XIRP2: variants seen among roughly 807,000 people sequenced by gnomAD.
XIRP2 encodes xin actin-binding repeat-containing protein 2.
In XIRP2, 236 loss-of-function variants were observed where a neutral mutation model predicts 277.0. The ratio of observed to expected loss-of-function variants is 0.85; its 90% CI spans 0.77 to 0.95. The LOEUF (loss-of-function observed/expected upper bound fraction) is 0.95, where lower values mean the gene tolerates loss of function less well. Ranked by LOEUF, XIRP2 falls within the 40% of genes least tolerant of loss-of-function variation. XIRP2 has a pLI of 0.00. For missense variants in XIRP2, 4,640 were observed against 4,157.5 expected, an observed-to-expected ratio of 1.12 and a Z score of -3.19; for synonymous variants, 1,490 against 1,416.5, an observed-to-expected ratio of 1.05 and a Z score of -1.17.
chr2:166,939,644 C>A (rs1685632763), intron 2 of XIRP2, among the ~76,000 whole-genome samples: 1 of 132,220 alleles, frequency 7.6e-6, no homozygotes, highest in African/African-American at 3.0e-5. Context: ...CACGCCACTG[C>A]ACTCTGGCCT....
At chr2:167,178,932 G>C (rs1272605237) in intron 3 of XIRP2, among the ~76,000 whole-genome samples, 1 of 152,094 alleles carries the variant, frequency 6.6e-6, no homozygotes, top group Non-Finnish European at 1.5e-5. Context: ...AAGAATGTAT[G>C]ACTGAATGAC....
chr2:166,927,384 C>T (rs1259014985), intron 2 of XIRP2, among the ~76,000 whole-genome samples: 1 of 152,098 alleles, frequency 6.6e-6, no homozygotes, highest in East Asian at 1.9e-4. Flanking sequence ...ACATGAATCT[C>T]ACTGAAATAA....
chr2:167,250,013 T>C lies in XIRP2; in HGVS notation c.8621T>C (p.Ile2874Thr), dbSNP rs1230145973. The C allele has an allele frequency of 1.2e-6, 2 of 1,613,496 alleles. No homozygotes were observed. Among genetic ancestry groups the C allele is most frequent in the Admixed American group, 1.7e-5 (1 of 59,966 alleles). ...SQTQNFQQTQ[I>T]QTAESKAEHK... ...ACTCAGAATTTTCAGCAAACACAAA[T>C]ACAGACCGCTGAAAGTAAAGCTGAA... The change falls in exon 9 of 11, where the codon ATA becomes ACA. Residue 2874 changes from isoleucine to threonine, a missense_variant. By Grantham distance (89) the Ile-to-Thr change is moderately conservative. Transcript: ENST00000409195.
chr2:167,179,641 A>AT (rs1559009686), intron 3 of XIRP2, among the ~76,000 whole-genome samples: 2 of 125,802 alleles, frequency 1.6e-5, no homozygotes, highest in Non-Finnish European at 3.2e-5. Context: ...TTTATCTGAT[A>AT]ATTTTTTTTT....
At chr2:166,919,002 G>T (rs542160396) in intron 2 of XIRP2, among the ~76,000 whole-genome samples, 3 of 152,084 alleles carry the variant, frequency 2.0e-5, no homozygotes, top group African/African-American at 4.8e-5. Flanking sequence ...AATACTTAAC[G>T]TAATGTGCAG....
intron 3 of XIRP2, among the ~76,000 whole-genome samples, chr2:167,180,157 C>T (rs1692974121): frequency 6.6e-6 from 1 of 152,068 alleles, no homozygotes; most frequent in African/African-American, 2.4e-5. Context: ...TTATTCATTA[C>T]TTTTTAATCT....
chr2:167,150,691 T>C (rs1342628159), intron 3 of XIRP2, among the ~76,000 whole-genome samples: 1 of 152,020 alleles, frequency 6.6e-6, no homozygotes, highest in Non-Finnish European at 1.5e-5. Flanking sequence ...ACTTGTATTA[T>C]TGTCTAAAAT....
chr2:167,232,017 A>G (rs138300418), intron 5 of XIRP2, among the ~76,000 whole-genome samples: 5 of 151,606 alleles, frequency 3.3e-5, no homozygotes, highest in African/African-American at 4.8e-5. Context: ...CTTGAGATAC[A>G]CTCTCCACCC....
intron 3 of XIRP2, among the ~76,000 whole-genome samples, chr2:167,137,897 G>A (rs778521728): frequency 5.9e-5 from 9 of 151,988 alleles, no homozygotes; most frequent in South Asian, 2.1e-4. Flanking sequence ...GATCCTTTTC[G>A]TTCTTTCATG....
chr2:167,007,703 TCACACACACACACA>T (rs57336666), intron 2 of XIRP2, among the ~76,000 whole-genome samples: 1 of 130,064 alleles, frequency 7.7e-6, no homozygotes, highest in African/African-American at 2.8e-5. Context: ...TCTCTCTCTC[TCACACACACACACA>T]CACACACACA....
At chr2:167,239,218 C>T (rs951873717) in intron 5 of XIRP2, among the ~76,000 whole-genome samples, 6 of 152,096 alleles carry the variant, frequency 3.9e-5, no homozygotes, top group Non-Finnish European at 7.4e-5. Flanking sequence ...TTTTCAGGCT[C>T]ATCTTTCTCA....
chr2:167,008,998 A>G (rs2105466553), intron 2 of XIRP2, among the ~76,000 whole-genome samples: 1 of 151,474 alleles, frequency 6.6e-6, no homozygotes, highest in Admixed American at 6.6e-5. Context: ...ATTTTAAGAG[A>G]TTAATTTCTT....
chr2:167,138,618 T>G (rs1432596338), intron 3 of XIRP2, among the ~76,000 whole-genome samples: 1 of 152,230 alleles, frequency 6.6e-6, no homozygotes, highest in Non-Finnish European at 1.5e-5. Flanking sequence ...GTTAAAATGA[T>G]TCTAGGAAGA....
At chr2:167,101,824 C>T (rs187619795) in intron 2 of XIRP2, among the ~76,000 whole-genome samples, 13 of 152,172 alleles carry the variant, frequency 8.5e-5, no homozygotes, top group African/African-American at 3.1e-4. Context: ...TAATTTCAAT[C>T]AAAAAAGTTG....
chr2:167,049,396 T>C (rs1688864154), intron 2 of XIRP2, among the ~76,000 whole-genome samples: 1 of 151,888 alleles, frequency 6.6e-6, no homozygotes, highest in East Asian at 1.9e-4. Flanking sequence ...ATTTATGTGT[T>C]ATAAAAATAA....
In XIRP2 at chr2:166,941,922, G is replaced by C. The variant is rs572717723; in HGVS notation, c.408+38032G>C. Among the ~76,000 whole-genome samples, 4 of 152,288 alleles carry C rather than the reference G, an allele frequency of 2.6e-5. No homozygotes were observed. The South Asian group carries it at 8.3e-4, about 32-fold the overall frequency. ...TATATGGCACAAGCTAACTGATAAA[G>C]TTACAATAAAGAAACAGCAATATAA... is the stretch of plus-strand genomic sequence containing the variant. On this transcript the variant is annotated intron_variant, in intron 2 of 10. Transcript: ENST00000409195.
Position 167,247,352 on chromosome 2 carries a change from C to G in XIRP2, c.5960C>G (p.Ala1987Gly). The change falls in exon 9 of 11, where the codon GCG becomes GGG. Residue 1987 changes from alanine (A) to glycine (G), a missense_variant. By Grantham distance (60) the Ala-to-Gly change is moderately conservative. Coordinates refer to ENST00000409195, the MANE Select transcript of XIRP2 (RefSeq NM_152381.6). ...CCAAAGCCAGGTCCATTTGAGCCAG[C>G]GGCCAAGTGGCAAGGGGGAGCAGAT... Reference protein sequence around the residue: ...LQPKPGPFEPAAKWQGGADTL... With the variant: ...LQPKPGPFEPGAKWQGGADTL... The G allele has an allele frequency of 6.2e-7, 1 of 1,613,640 alleles. No homozygotes were observed. The highest frequency in any genetic ancestry group is 1.3e-5 in the African/African-American group (1 of 74,970).
chr2:167,153,246 A>G (rs1359096313), intron 3 of XIRP2, among the ~76,000 whole-genome samples: 2 of 152,160 alleles, frequency 1.3e-5, no homozygotes, highest in African/African-American at 4.8e-5. Context: ...TTGAGCACAA[A>G]TTGTGGTGAT....
chr2:166,920,031 T>C (rs1295358251), intron 2 of XIRP2, among the ~76,000 whole-genome samples: 1 of 152,100 alleles, frequency 6.6e-6, no homozygotes, highest in African/African-American at 2.4e-5. Flanking sequence ...GGCCCACAAA[T>C]TTTTGAGTTT....
Sources: gnomAD v4.1 joint callset for allele counts (sites outside exome capture counted in the v4.1 genomes callset) on GRCh38, gnomAD v4.1.1 for gene constraint, MANE v1.5 for transcripts, NCBI Gene and HGNC (gene_info 2026-07-23, HGNC 2026-07-21) for gene names.